The following HMCN1 variants were observed in gnomAD, a reference collection of about 807,000 sequenced individuals.
HMCN1 encodes hemicentin-1.
In HMCN1, 321 loss-of-function variants were observed where a neutral mutation model predicts 625.9. The observed-to-expected ratio is 0.51, with a 90% CI of 0.47 to 0.56. HMCN1 has a LOEUF of 0.56. Among genes scored for constraint, HMCN1 ranks in the 20% least tolerant of loss-of-function variants. The pLI, the probability that HMCN1 is intolerant of heterozygous loss-of-function variation, is 0.00. For synonymous variants in HMCN1, 2,425 were observed against 2,417.6 expected (o/e 1.00, Z -0.09); for missense variants, 6,588 against 6,887.3 (o/e 0.96, Z 1.54).
chr1:185,956,394 A>G (rs1404605413), intron 11 of HMCN1, among the ~76,000 whole-genome samples: 8 of 151,952 alleles, frequency 5.3e-5, no homozygotes, highest in Non-Finnish European at 2.9e-5. Context: ...GGTTCCTACA[A>G]CCCCCTCCTG....
chr1:186,067,239 A>G (rs940219800), intron 49 of HMCN1, among the ~76,000 whole-genome samples: 2 of 152,022 alleles, frequency 1.3e-5, no homozygotes, highest in South Asian at 4.2e-4. Context: ...CTTCCACTTT[A>G]TACCTTCCTT....
At chr1:185,864,386 A>G (rs1276644213) in intron 2 of HMCN1, 84 bp from the exon 3 acceptor site, 1 of 1,334,942 alleles carries the variant, frequency 7.5e-7, no homozygotes, top group Non-Finnish European at 1.1e-6. Flanking sequence ...GCTCGTTCTA[A>G]AACTCCCAAA....
intron 29 of HMCN1, among the ~76,000 whole-genome samples, chr1:186,005,362 T>A (rs191166110): frequency 8.3e-6 from 1 of 120,838 alleles, no homozygotes; most frequent in Non-Finnish European, 1.8e-5. Context: ...TTATAAACAA[T>A]TTTTTAATTG....
intron 1 of HMCN1, among the ~76,000 whole-genome samples, chr1:185,750,158 C>A (rs1450486636): frequency 6.6e-6 from 1 of 152,148 alleles, no homozygotes; most frequent in Non-Finnish European, 1.5e-5. Flanking sequence ...AGGGCAGGAA[C>A]TTAATTTTCA....
At chr1:186,188,952 A>G (rs997311166) in intron 106 of HMCN1, among the ~76,000 whole-genome samples, 1 of 152,202 alleles carries the variant, frequency 6.6e-6, no homozygotes, top group Non-Finnish European at 1.5e-5. Context: ...ATCATGACTC[A>G]AAAAGCAGTC....
In HMCN1 at chr1:185,922,492, A is replaced by ATTGC. The variant is rs745928751; in HGVS notation, c.1014_1015insTTGC (p.Val339LeufsTer21). ...ACTTCAAAAAAACAGTCAGCAGACCAGTGCAAGGTTTGTATGTGCATATTA... is the reference window on the plus strand; with the variant it reads ...ACTTCAAAAAAACAGTCAGCAGACCATTGCGTGCAAGGTTTGTATGTGCATATTA... On this transcript the variant is annotated frameshift_variant, in exon 7 of 107. Coordinates refer to ENST00000271588, the MANE Select transcript of HMCN1 (RefSeq NM_031935.3). LOFTEE classifies it high-confidence loss of function. 6.2e-7 allele frequency: 1 copy of ATTGC among 1,611,938 alleles called. No individual in the cohort carries two copies. The highest frequency in any genetic ancestry group is 8.5e-7 in the Non-Finnish European group (1 of 1,178,648).
chr1:186,010,809 C>A (rs987381339), intron 30 of HMCN1, among the ~76,000 whole-genome samples: 5 of 151,830 alleles, frequency 3.3e-5, no homozygotes, highest in African/African-American at 1.2e-4. Context: ...GCTTTGCAGA[C>A]CATTAGGCAA....
chr1:186,013,941 T>A (rs1257387042), intron 30 of HMCN1, among the ~76,000 whole-genome samples: 1 of 152,116 alleles, frequency 6.6e-6, no homozygotes, highest in Non-Finnish European at 1.5e-5. Flanking sequence ...TAGTCCCCAC[T>A]CATAGAAGTA....
At chr1:186,064,585 G>A (rs1558189505) in intron 48 of HMCN1, among the ~76,000 whole-genome samples, 1 of 151,896 alleles carries the variant, frequency 6.6e-6, no homozygotes, top group Non-Finnish European at 1.5e-5. Flanking sequence ...CGAGGCAGGT[G>A]GATCACAAGG....
intron 2 of HMCN1, among the ~76,000 whole-genome samples, chr1:185,858,704 G>A (rs1255817902): frequency 7.3e-6 from 1 of 137,814 alleles, no homozygotes; most frequent in Non-Finnish European, 1.5e-5. Context: ...GCCCTCTTTG[G>A]CCTTCCAAAC....
intron 1 of HMCN1, among the ~76,000 whole-genome samples, chr1:185,810,263 T>C (rs1337063200): frequency 6.6e-6 from 1 of 152,180 alleles, no homozygotes; most frequent in African/African-American, 2.4e-5. Context: ...AAATGTGTTA[T>C]AGCTAAATTT....
At position 186,122,933 on chromosome 1, in the gene HMCN1, A is replaced by G. The variant is rs202115569; in HGVS notation, c.12230-18A>G. 2.5e-6 allele frequency: 4 copies of G among 1,611,810 alleles called. No homozygotes were observed. Among genetic ancestry groups the G allele is most frequent in the East Asian group, 4.5e-5 (2 of 44,874 alleles). On this transcript the variant is annotated intron_variant, in intron 80 of 106. Transcript: ENST00000271588. ...TTCTAAGATAAAGTTTGAACTTTAT[A>G]TTTTTTGTATATTTTAGTTCCTCCA...
intron 90 of HMCN1, 88 bp from the exon 91 acceptor site, chr1:186,144,445 A>T (rs1423515740): frequency 1.2e-6 from 2 of 1,607,266 alleles, no homozygotes; most frequent in East Asian, 4.5e-5. Context: ...TGTGCCCACA[A>T]GAACATCTCT....
Position 185,782,144 on chromosome 1 carries a change from T to C in HMCN1, c.268+47097T>C, listed in dbSNP as rs1657167316. Among the ~76,000 whole-genome samples, 10 of 152,310 alleles carry C rather than the reference T, an allele frequency of 6.6e-5. No individual in the cohort carries two copies. The South Asian group carries it at 2.1e-3, about 32-fold the overall frequency. On this transcript the variant is annotated intron_variant, in intron 1 of 106. Coordinates refer to ENST00000271588, the MANE Select transcript of HMCN1 (RefSeq NM_031935.3). ...TTGATCTTTGTTGGTTTAAAGTCTG[T>C]TTTATCAGAGACTAGGATTGCAACC... is the stretch of plus-strand genomic sequence containing the variant.
intron 18 of HMCN1, 124 bp from the exon 19 acceptor site, chr1:185,984,045 A>G: frequency 1.4e-6 from 1 of 703,476 alleles, no homozygotes; most frequent in South Asian, 1.7e-5. Context: ...ACTTAAGGAC[A>G]TTAGAATATT....
At chr1:186,021,288 A>G (rs1278613350) in intron 35 of HMCN1, among the ~76,000 whole-genome samples, 6 of 152,070 alleles carry the variant, frequency 3.9e-5, no homozygotes, top group African/African-American at 1.2e-4. Flanking sequence ...ACAGTGAGAT[A>G]AGAGACTGGA....
intron 1 of HMCN1, among the ~76,000 whole-genome samples, chr1:185,818,600 T>C (rs1659984938): frequency 6.6e-6 from 1 of 152,196 alleles, no homozygotes; most frequent in African/African-American, 2.4e-5. Context: ...ATATGGATTT[T>C]TATTAACCCT....
chr1:186,050,098 A>G (rs1018136001), intron 42 of HMCN1, among the ~76,000 whole-genome samples: 1 of 151,454 alleles, frequency 6.6e-6, no homozygotes, highest in East Asian at 1.9e-4. Flanking sequence ...TTAATAATTT[A>G]TTTAATATTT....
rs536701183 is a variant in HMCN1, at chr1:186,153,807, C to T, written c.15076C>T (p.Arg5026Trp). 5.3e-5 allele frequency: 86 copies of T among 1,614,146 alleles called. No homozygotes were observed. The highest frequency in any genetic ancestry group is 1.4e-4 in the South Asian group (13 of 91,078). Residue 5026 changes from arginine (R) to tryptophan (W), a missense_variant, in exon 97 of 107, where the codon CGG becomes TGG. By Grantham distance (101) the Arg-to-Trp change is moderately radical. Transcript: ENST00000271588. ...TGGGCAGCTGTACGCCTACTCAACC[C>T]GGCTGTTCACCATTGATGGCATCAG... ...GPGQLYAYST[R>W]LFTIDGISIP...
Sources: gnomAD v4.1 joint callset for allele counts (sites outside exome capture counted in the v4.1 genomes callset) on GRCh38, gnomAD v4.1.1 for gene constraint, MANE v1.5 for transcripts, NCBI Gene and HGNC (gene_info 2026-07-23, HGNC 2026-07-21) for gene names.